Variants in BMERB1 observed in about 807,000 individuals in gnomAD.
The protein encoded by BMERB1 is bMERB domain-containing protein 1.
Under a neutral mutation model 23.6 loss-of-function variants are expected in BMERB1, and 12 were observed. The observed-to-expected ratio is 0.51, with a 90% CI of 0.33 to 0.82. The LOEUF is 0.82. Among genes scored for constraint, BMERB1 ranks in the 40% least tolerant of loss-of-function variants. The pLI, the probability that BMERB1 is intolerant of heterozygous loss-of-function variation, is 0.03. For synonymous variants in BMERB1, 122 were observed against 96.6 expected, an observed-to-expected ratio of 1.26 and a Z score of -1.54; for missense variants, 247 against 255.4, an observed-to-expected ratio of 0.97 and a Z score of 0.22.
At chr16:15,489,419 C>T (rs763390958) in intron 1 of BMERB1, among the ~76,000 whole-genome samples, 1 of 152,104 alleles carries the variant, frequency 6.6e-6, no homozygotes. Context: ...AATTGCTGTT[C>T]CTCCCATTGG....
intron 1 of BMERB1, among the ~76,000 whole-genome samples, chr16:15,480,252 C>T (rs895336996): frequency 2.2e-4 from 33 of 150,922 alleles, no homozygotes; most frequent in Non-Finnish European, 3.5e-4. Context: ...AGCTGGACTA[C>T]AGGCACCCGC....
At chr16:15,453,449 A>G (rs943780485) in intron 1 of BMERB1, among the ~76,000 whole-genome samples, 1 of 151,980 alleles carries the variant, frequency 6.6e-6, no homozygotes, top group Non-Finnish European at 1.5e-5. Context: ...GTGGTGGTGT[A>G]CCTCTAATTC....
chr16:15,567,834 C>T, intron 2 of BMERB1, 149 bp from the exon 3 acceptor site: 1 of 635,480 alleles, frequency 1.6e-6, no homozygotes, highest in South Asian at 2.2e-5. Context: ...TTGGCTTTTT[C>T]CTTTTGAGGG....
intron 1 of BMERB1, among the ~76,000 whole-genome samples, chr16:15,482,850 A>G (rs1259061319): frequency 6.6e-6 from 1 of 152,154 alleles, no homozygotes; most frequent in Non-Finnish European, 1.5e-5. Flanking sequence ...CTGATGCTTC[A>G]AGCTTTACAT....
chr16:15,538,401 C>T (rs1008033139), intron 2 of BMERB1, among the ~76,000 whole-genome samples: 2 of 151,654 alleles, frequency 1.3e-5, no homozygotes, highest in African/African-American at 4.8e-5. Flanking sequence ...TGCAGTGAGC[C>T]GAGATGTGCC....
chr16:15,553,470 A>G (rs2030155041), intron 2 of BMERB1, among the ~76,000 whole-genome samples: 1 of 152,228 alleles, frequency 6.6e-6, no homozygotes, highest in Non-Finnish European at 1.5e-5. Context: ...TAAAGGGCCA[A>G]GTACTAAACA....
intron 3 of BMERB1, among the ~76,000 whole-genome samples, chr16:15,575,223 C>T (rs1287377193): frequency 6.6e-6 from 1 of 152,190 alleles, no homozygotes; most frequent in East Asian, 1.9e-4. Context: ...CCTTAGTCTT[C>T]CTTTATCTGA....
At chr16:15,484,374 T>C (rs1458805153) in intron 1 of BMERB1, among the ~76,000 whole-genome samples, 1 of 152,000 alleles carries the variant, frequency 6.6e-6, no homozygotes, top group Non-Finnish European at 1.5e-5. Context: ...CTCTGATATC[T>C]GCGTGGTTAA....
At chr16:15,530,853 C>T (rs528802295) in intron 2 of BMERB1, among the ~76,000 whole-genome samples, 12 of 152,016 alleles carry the variant, frequency 7.9e-5, no homozygotes, top group African/African-American at 2.7e-4. Context: ...TTTCCTGAGG[C>T]CTTCCAAGCT....
At chr16:15,584,229 TAAC>T in intron 5 of BMERB1, 1 of 575,868 alleles carries the variant, frequency 1.7e-6, no homozygotes, top group Non-Finnish European at 3.1e-6. Flanking sequence ...CAAATGTGTT[TAAC>T]TGCTGTATTA....
chr16:15,499,354 C>T (rs867210142), intron 1 of BMERB1, among the ~76,000 whole-genome samples: 3 of 151,854 alleles, frequency 2.0e-5, no homozygotes, highest in Non-Finnish European at 4.4e-5. Context: ...GCCGAGATCA[C>T]ACCACTGCAC....
chr16:15,476,199 G>T (rs2051273707), intron 1 of BMERB1, among the ~76,000 whole-genome samples: 1 of 120,622 alleles, frequency 8.3e-6, no homozygotes, highest in African/African-American at 3.2e-5. Context: ...GTCTCACTCT[G>T]TTGCCCAAGC....
intron 2 of BMERB1, among the ~76,000 whole-genome samples, chr16:15,547,959 A>G (rs1178500018): frequency 6.6e-6 from 1 of 152,158 alleles, no homozygotes. Flanking sequence ...TTTAGTGCCT[A>G]TGAAGCACTT....
At chr16:15,580,796 T>C (rs762196879) in intron 3 of BMERB1, among the ~76,000 whole-genome samples, 8 of 150,666 alleles carry the variant, frequency 5.3e-5, no homozygotes, top group Non-Finnish European at 1.2e-4. Context: ...CCGCCCACCT[T>C]GGCCTCCCAA....
chr16:15,542,525 C>T (rs1458358639), intron 2 of BMERB1, among the ~76,000 whole-genome samples: 10 of 151,898 alleles, frequency 6.6e-5, no homozygotes, highest in Admixed American at 6.6e-4. Flanking sequence ...TCCTATCGCT[C>T]AGGAAACTCC....
chr16:15,485,836 A>G (rs1476399735), intron 1 of BMERB1, among the ~76,000 whole-genome samples: 1 of 152,158 alleles, frequency 6.6e-6, no homozygotes, highest in African/African-American at 2.4e-5. Flanking sequence ...CTCCATCTCC[A>G]AACTAGTCAT....
chr16:15,569,587 G>T (rs1405258441), intron 3 of BMERB1, among the ~76,000 whole-genome samples: 1 of 152,114 alleles, frequency 6.6e-6, no homozygotes, highest in Non-Finnish European at 1.5e-5. Flanking sequence ...TTTGGGCGGG[G>T]ACACACATCC....
intron 1 of BMERB1, among the ~76,000 whole-genome samples, chr16:15,486,283 C>T (rs1405811534): frequency 3.3e-5 from 5 of 151,132 alleles, no homozygotes; most frequent in Admixed American, 3.3e-4. Context: ...GTGACCAAAA[C>T]CCACTGGGTT....
chr16:15,543,166 G>A (rs1255546335), intron 2 of BMERB1, among the ~76,000 whole-genome samples: 1 of 152,092 alleles, frequency 6.6e-6, no homozygotes, highest in Non-Finnish European at 1.5e-5. Flanking sequence ...TTCCCCTGGA[G>A]TTCAGCCATC....
Sources: gnomAD v4.1 joint callset for allele counts (sites outside exome capture counted in the v4.1 genomes callset) on GRCh38, gnomAD v4.1.1 for gene constraint, MANE v1.5 for transcripts, NCBI Gene and HGNC (gene_info 2026-07-23, HGNC 2026-07-21) for gene names.